The following PRKAG2 variants were observed in gnomAD, a reference collection of about 807,000 sequenced individuals.
The protein encoded by PRKAG2 is protein kinase AMP-activated non-catalytic subunit gamma 2.
PRKAG2 carries 26 observed loss-of-function variants against 69.6 expected under a neutral mutation model. That is an observed-to-expected ratio of 0.37 (90% CI 0.27 to 0.52). The LOEUF (loss-of-function observed/expected upper bound fraction) is 0.52. PRKAG2 is among the 20% of genes least tolerant of loss of function. The pLI is 0.90. For missense variants in PRKAG2, 557 were observed against 740.0 expected (o/e 0.75, Z 2.87); for synonymous variants, 293 against 285.0 (o/e 1.03, Z -0.28).
intron 6 of PRKAG2, among the ~76,000 whole-genome samples, chr7:151,588,310 G>C (rs192394894): frequency 3.3e-5 from 5 of 152,062 alleles, no homozygotes; most frequent in Admixed American, 1.3e-4. Context: ...TGAATCATGG[G>C]GGGGAGTCTT....
chr7:151,595,616 T>C (rs1413067313), intron 5 of PRKAG2, among the ~76,000 whole-genome samples, 162 bp from the exon 6 acceptor site: 2 of 152,166 alleles, frequency 1.3e-5, no homozygotes, highest in Non-Finnish European at 2.9e-5. Flanking sequence ...TCACTAATTC[T>C]ATGAACACTA....
At chr7:151,621,733 C>G (rs1585286524) in intron 5 of PRKAG2, among the ~76,000 whole-genome samples, 1 of 151,926 alleles carries the variant, frequency 6.6e-6, no homozygotes, top group Admixed American at 6.6e-5. Context: ...CCACCACACC[C>G]GGATAGTTTT....
intron 3 of PRKAG2, among the ~76,000 whole-genome samples, chr7:151,692,881 G>T (rs1190697511): frequency 6.6e-6 from 1 of 152,172 alleles, no homozygotes; most frequent in Non-Finnish European, 1.5e-5. Context: ...GGGCGGGGGA[G>T]TGCGAGGGGG....
Position 151,625,186 on chromosome 7 carries a change from G to A in PRKAG2, c.754+6883C>T, listed in dbSNP as rs4726066. On this transcript the variant is annotated intron_variant, in intron 5 of 15. Coordinates refer to ENST00000287878, the MANE Select transcript of PRKAG2 (RefSeq NM_016203.4). ...TGAGATAGCATGGGAAGTCTTCATC[G>A]GGGCTTCTGGGAAGGCTTCCCTGAG... Among the ~76,000 whole-genome samples the A allele has an allele frequency of 6.1e-3, 927 of 152,244 alleles. 10 individuals are homozygous for A. Among genetic ancestry groups the A allele is most frequent in the African/African-American group, 0.02 (848 of 41,530 alleles).
chr7:151,753,730 TTAAAAAAGG>T (rs1271715007), intron 3 of PRKAG2, among the ~76,000 whole-genome samples: 1 of 152,030 alleles, frequency 6.6e-6, no homozygotes, highest in Non-Finnish European at 1.5e-5. Flanking sequence ...AAGTGTTATT[TTAAAAAAGG>T]AATTAAGAAA....
intron 5 of PRKAG2, among the ~76,000 whole-genome samples, chr7:151,600,372 A>G (rs760585510): frequency 6.6e-6 from 1 of 152,224 alleles, no homozygotes; most frequent in Non-Finnish European, 1.5e-5. Context: ...ATACTAACCA[A>G]GCTCTTTGGC....
intron 3 of PRKAG2, among the ~76,000 whole-genome samples, chr7:151,693,099 ACTCAGTCACCCGGCG>A (rs1332222637): frequency 6.6e-6 from 1 of 152,150 alleles, no homozygotes; most frequent in Non-Finnish European, 1.5e-5. Context: ...CTTCCACCAG[ACTCAGTCACCCGGCG>A]CTCCTGAGGA....
At chr7:151,786,277 T>C (rs1046440711) in intron 2 of PRKAG2, among the ~76,000 whole-genome samples, 193 bp downstream of exon 2, 6 of 152,188 alleles carry the variant, frequency 3.9e-5, no homozygotes, top group South Asian at 2.1e-4. Flanking sequence ...TCTAGTGGGA[T>C]AGCCCGGCCG....
At chr7:151,717,169 C>G (rs1205048246) in intron 3 of PRKAG2, among the ~76,000 whole-genome samples, 1 of 151,600 alleles carries the variant, frequency 6.6e-6, no homozygotes, top group Non-Finnish European at 1.5e-5. Flanking sequence ...ATTGCTTAAG[C>G]CCGGGAGGTG....
At chr7:151,557,503 C>T (rs1033082904) in intron 15 of PRKAG2, 6 of 984,612 alleles carry the variant, frequency 6.1e-6, no homozygotes, top group East Asian at 1.1e-4. Context: ...AAAAATTTTA[C>T]TAAGAAATAT....
chr7:151,705,413 C>T lies in PRKAG2; in HGVS notation c.467-29776G>A, dbSNP rs144936253. Among the ~76,000 whole-genome samples the T allele has an allele frequency of 9.5e-3, 1,443 of 152,218 alleles. 22 individuals are homozygous for T. The highest frequency in any genetic ancestry group is 0.033 in the African/African-American group (1,366 of 41,524). On this transcript the variant is annotated intron_variant, in intron 3 of 15. Coordinates refer to ENST00000287878, the MANE Select transcript of PRKAG2 (RefSeq NM_016203.4). ...TAATCCAGCCGGGAAAGTTGGCTGG[C>T]AAGCACTCGGTCCCAAGCAGGATCA...
In PRKAG2 at chr7:151,743,266, T is replaced by A. The variant is rs776796650; in HGVS notation, c.466+37886A>T. 3.3e-5 allele frequency among the ~76,000 whole-genome samples: 5 copies of A among 152,190 alleles called. 1 individual carries two copies. The highest frequency in any genetic ancestry group is 7.3e-5 in the Non-Finnish European group (5 of 68,040). On this transcript the variant is annotated intron_variant, in intron 3 of 15. Transcript: ENST00000287878. ...GCCTTTTTGGATCACAGTTTAAAACTCACACCCCTGGCTGGTGCTGCAACC... is the reference window on the plus strand; with the variant it reads ...GCCTTTTTGGATCACAGTTTAAAACACACACCCCTGGCTGGTGCTGCAACC...
intron 1 of PRKAG2, among the ~76,000 whole-genome samples, chr7:151,855,481 C>CACCGCCCTCCACACA: frequency 1.2e-5 from 1 of 85,154 alleles, no homozygotes; most frequent in Non-Finnish European, 2.3e-5. Context: ...GCTCCACACA[C>CACCGCCCTCCACACA]CACCCTCCAC....
intron 3 of PRKAG2, among the ~76,000 whole-genome samples, chr7:151,681,469 T>C (rs6960581): frequency 0.38 from 57,011 of 152,026 alleles, 10,817 homozygotes; most frequent in African/African-American, 0.41. Flanking sequence ...ATTAGGGATA[T>C]GTGTGTAGTT....
At chr7:151,605,936 C>CAAAAAAAAAAAAAAAAAAAAAAAAA (rs560080587) in intron 5 of PRKAG2, among the ~76,000 whole-genome samples, 3 of 91,046 alleles carry the variant, frequency 3.3e-5, no homozygotes, top group African/African-American at 1.2e-4. Context: ...GACTCCGTCT[C>CAAAAAAAAAAAAAAAAAAAAAAAAA]AAAAAAAAAA....
intron 3 of PRKAG2, among the ~76,000 whole-genome samples, chr7:151,759,624 C>A (rs979639738): frequency 6.6e-6 from 1 of 152,208 alleles, no homozygotes; most frequent in African/African-American, 2.4e-5. Context: ...GAAGGTGAAC[C>A]GCACTGGAAA....
chr7:151,593,220 C>T (rs956106885), intron 6 of PRKAG2, among the ~76,000 whole-genome samples: 6 of 152,166 alleles, frequency 3.9e-5, no homozygotes, highest in African/African-American at 1.4e-4. Context: ...TGGAGTCTTG[C>T]TCTGTCATCC....
intron 1 of PRKAG2, among the ~76,000 whole-genome samples, chr7:151,793,630 G>A (rs947776615): frequency 6.6e-6 from 1 of 152,194 alleles, no homozygotes; most frequent in African/African-American, 2.4e-5. Context: ...TTCTGACCAC[G>A]GCTGAGTGGT....
chr7:151,859,353 T>G (rs1230295013), intron 1 of PRKAG2, among the ~76,000 whole-genome samples: 2 of 152,136 alleles, frequency 1.3e-5, no homozygotes, highest in Non-Finnish European at 2.9e-5. Context: ...ACCATCTCTG[T>G]GAGGTCTGTG....
Sources: gnomAD v4.1 joint callset for allele counts (sites outside exome capture counted in the v4.1 genomes callset) on GRCh38, gnomAD v4.1.1 for gene constraint, MANE v1.5 for transcripts, NCBI Gene and HGNC (gene_info 2026-07-23, HGNC 2026-07-21) for gene names.